The following LARGE1 variants were observed in gnomAD, a reference collection of about 807,000 sequenced individuals.
LARGE1 encodes the protein xylosyl- and glucuronyltransferase LARGE1.
Under a neutral mutation model 87.6 loss-of-function variants are expected in LARGE1, and 43 were observed. The observed-to-expected ratio is 0.49, with a 90% CI of 0.38 to 0.63. The LOEUF (loss-of-function observed/expected upper bound fraction) is 0.63, where lower values mean the gene tolerates loss of function less well. Among genes scored for constraint, LARGE1 ranks in the 30% least tolerant of loss-of-function variants. LARGE1 has a pLI of 0.00. For synonymous variants in LARGE1, 434 were observed against 394.6 expected (o/e 1.10, Z -1.18); for missense variants, 802 against 1,000.2 (o/e 0.80, Z 2.67).
At chr22:33,297,190 T>C (rs1202499373) in intron 12 of LARGE1, among the ~76,000 whole-genome samples, 1 of 152,190 alleles carries the variant, frequency 6.6e-6, no homozygotes, top group Non-Finnish European at 1.5e-5. Context: ...ACAGCCATGA[T>C]GTGCCAGGGA....
intron 11 of LARGE1, among the ~76,000 whole-genome samples, chr22:33,314,696 C>A (rs1935963869): frequency 6.6e-6 from 1 of 152,168 alleles, no homozygotes. Flanking sequence ...AGGAATCAAA[C>A]TTCCTTCCTA....
At chr22:33,316,431 AG>A (rs1936170135) in intron 10 of LARGE1, among the ~76,000 whole-genome samples, 183 bp from the exon 11 acceptor site, 1 of 152,218 alleles carries the variant, frequency 6.6e-6, no homozygotes, top group African/African-American at 2.4e-5. Context: ...AATTTCAAAA[AG>A]GTGATGGTAA....
intron 4 of LARGE1, among the ~76,000 whole-genome samples, chr22:33,619,352 C>A (rs547643783): frequency 1.3e-5 from 2 of 151,986 alleles, no homozygotes; most frequent in African/African-American, 4.8e-5. Context: ...GTCAGGAGTT[C>A]GAGACCAGCC....
intron 2 of LARGE1, among the ~76,000 whole-genome samples, chr22:33,669,385 A>G (rs1228517996): frequency 6.6e-6 from 1 of 152,208 alleles, no homozygotes; most frequent in Non-Finnish European, 1.5e-5. Context: ...ATGCTCTTCA[A>G]TTTAGTAATA....
chr22:33,349,078 C>T (rs1488808924), intron 9 of LARGE1, among the ~76,000 whole-genome samples: 1 of 152,096 alleles, frequency 6.6e-6, no homozygotes, highest in Non-Finnish European at 1.5e-5. Flanking sequence ...TCCATTAAAC[C>T]TCTTTTTCTT....
intron 6 of LARGE1, among the ~76,000 whole-genome samples, chr22:33,547,294 G>C (rs991548913): frequency 1.9e-4 from 29 of 152,248 alleles, no homozygotes; most frequent in African/African-American, 7.0e-4. Context: ...TCAGGCATTA[G>C]CTCGATTTTC....
chr22:33,921,090 G>C (rs1555893493), upstream of LARGE1, among the ~76,000 whole-genome samples: 1 of 148,264 alleles, frequency 6.7e-6, no homozygotes, highest in Non-Finnish European at 1.5e-5. This position sits in a 1 kb window ranked among gnomAD's most constrained non-coding sequence, Gnocchi z 4.1. Flanking sequence ...GCCGGCGCCC[G>C]CGTCGGCGCC....
chr22:33,279,249 A>C (rs1007884887), intron 13 of LARGE1, among the ~76,000 whole-genome samples: 3 of 152,194 alleles, frequency 2.0e-5, no homozygotes, highest in African/African-American at 7.2e-5. Flanking sequence ...AGTTAGGAAG[A>C]GTATCCAGAG....
chr22:33,446,909 T>C (rs1280530326), intron 6 of LARGE1, among the ~76,000 whole-genome samples: 1 of 152,194 alleles, frequency 6.6e-6, no homozygotes, highest in East Asian at 1.9e-4. Context: ...TGTTTGTGTT[T>C]TTGAGACAGA....
At chr22:33,146,123 A>G in the LARGE1 span, among the ~76,000 whole-genome samples, 3 of 152,228 alleles carry the variant, frequency 2.0e-5, no homozygotes, top group Non-Finnish European at 4.4e-5. Context: ...AAAAGTAAAT[A>G]TCCTTGGGAC....
chr22:33,633,153 TTAAGACA>T (rs1472744712), intron 3 of LARGE1, among the ~76,000 whole-genome samples: 1 of 152,160 alleles, frequency 6.6e-6, no homozygotes, highest in Non-Finnish European at 1.5e-5. Context: ...AAGGTAAATT[TTAAGACA>T]ATCCCCATTC....
chr22:33,844,079 CAAAAA>C (rs34588361), intron 1 of LARGE1, among the ~76,000 whole-genome samples: 1 of 122,838 alleles, frequency 8.1e-6, no homozygotes, highest in Non-Finnish European at 1.7e-5. Flanking sequence ...AACTCCGTCT[CAAAAA>C]AAAAAAAAAA....
At chr22:33,845,920 C>A (rs904588403) in intron 1 of LARGE1, among the ~76,000 whole-genome samples, 1 of 152,204 alleles carries the variant, frequency 6.6e-6, no homozygotes, top group Non-Finnish European at 1.5e-5. Flanking sequence ...CATTACCACA[C>A]TAAGAAAAGA....
intron 14 of LARGE1, among the ~76,000 whole-genome samples, chr22:33,276,094 A>G (rs1443430260): frequency 1.3e-5 from 2 of 152,172 alleles, no homozygotes; most frequent in African/African-American, 4.8e-5. Flanking sequence ...GGTGATTCTC[A>G]TGAACGGCCA....
intron 2 of LARGE1, among the ~76,000 whole-genome samples, chr22:33,707,903 G>A (rs1208459636): frequency 6.6e-6 from 1 of 152,164 alleles, no homozygotes; most frequent in South Asian, 2.1e-4. Context: ...GGGAACCAGA[G>A]TGTGCTTAGC....
chr22:33,804,938 C>G (rs962869100), intron 1 of LARGE1, among the ~76,000 whole-genome samples: 14 of 152,150 alleles, frequency 9.2e-5, no homozygotes, highest in African/African-American at 2.7e-4. Flanking sequence ...GGCTCATATC[C>G]CACTGTCTGG....
chr22:33,521,955 G>A (rs566484055), intron 6 of LARGE1, among the ~76,000 whole-genome samples: 2 of 152,154 alleles, frequency 1.3e-5, no homozygotes, highest in Non-Finnish European at 2.9e-5. Context: ...AGGGAGAACA[G>A]GCAAGTCACA....
At chr22:33,333,466 GCA>G (rs1280281770) in intron 10 of LARGE1, among the ~76,000 whole-genome samples, 1 of 152,148 alleles carries the variant, frequency 6.6e-6, no homozygotes, top group Non-Finnish European at 1.5e-5. Context: ...AAGCTTCTCA[GCA>G]CAGTCAGGGC....
intron 5 of LARGE1, 29 bp downstream of exon 5, chr22:33,604,406 C>T (rs2079194326): frequency 6.2e-6 from 10 of 1,613,786 alleles, no homozygotes; most frequent in Non-Finnish European, 8.5e-6. Context: ...TAGAGGAGAT[C>T]ACGGAAGTGC....
Sources: allele counts gnomAD v4.1 joint callset (sites outside exome capture counted in the v4.1 genomes callset), GRCh38; gene constraint gnomAD v4.1.1; non-coding constraint Gnocchi (gnomAD v3.1); transcripts MANE v1.5; gene names NCBI Gene and HGNC (gene_info 2026-07-23, HGNC 2026-07-21).